The following RARB variants were observed in gnomAD, a reference collection of about 807,000 sequenced individuals.
RARB encodes the protein HBV-activated protein.
In RARB, 17 loss-of-function variants were observed where a neutral mutation model predicts 51.9. The observed-to-expected ratio is 0.33, with a 90% CI of 0.22 to 0.49. RARB has a LOEUF of 0.49. Among genes scored for constraint, RARB ranks in the 20% least tolerant of loss-of-function variants. The probability of loss-of-function intolerance (pLI) is 0.99; values close to 1 mark genes in which losing one functional copy is unlikely to be tolerated. For synonymous variants in RARB, 215 were observed against 195.4 expected (o/e 1.10, Z -0.84); for missense variants, 369 against 550.8 (o/e 0.67, Z 3.30).
intron 2 of RARB, among the ~76,000 whole-genome samples, chr3:24,934,027 A>C (rs1011158391): frequency 1.3e-5 from 2 of 152,138 alleles, no homozygotes; most frequent in East Asian, 3.9e-4. Context: ...TTGTTTTCTT[A>C]AGCAGTCTTC....
chr3:25,025,976 A>C (rs1452289924), intron 2 of RARB, among the ~76,000 whole-genome samples: 1 of 152,188 alleles, frequency 6.6e-6, no homozygotes, highest in Non-Finnish European at 1.5e-5. Context: ...TCAACCTGAT[A>C]GTCTGCAATC....
At chr3:25,200,769 T>G (rs545626514) in intron 5 of RARB, among the ~76,000 whole-genome samples, 1 of 152,248 alleles carries the variant, frequency 6.6e-6, no homozygotes, top group African/African-American at 2.4e-5. Context: ...TGGCATTATT[T>G]CTGAGGGCTC....
chr3:25,525,327 G>A (rs1698602494), intron 3 of RARB, among the ~76,000 whole-genome samples: 1 of 152,174 alleles, frequency 6.6e-6, no homozygotes, highest in South Asian at 2.1e-4. Flanking sequence ...GACAGAAGGG[G>A]CAGAGAGAGC....
At chr3:25,030,127 T>G (rs993740373) in intron 2 of RARB, among the ~76,000 whole-genome samples, 14 of 152,232 alleles carry the variant, frequency 9.2e-5, no homozygotes, top group African/African-American at 3.1e-4. Flanking sequence ...AGTCAATACC[T>G]TTTCTATTAT....
At chr3:25,139,186 C>G (rs765478440) in intron 4 of RARB, among the ~76,000 whole-genome samples, 8 of 152,060 alleles carry the variant, frequency 5.3e-5, no homozygotes, top group Non-Finnish European at 1.0e-4. Flanking sequence ...ATTAATAACC[C>G]TACAATAGCC....
At chr3:24,892,108 G>A (rs563606442) in intron 2 of RARB, among the ~76,000 whole-genome samples, 1 of 152,010 alleles carries the variant, frequency 6.6e-6, no homozygotes, top group South Asian at 2.1e-4. Context: ...AGCAGGGAGT[G>A]TTGCAGGGCC....
intron 4 of RARB, among the ~76,000 whole-genome samples, chr3:25,172,228 C>T (rs544192801): frequency 6.6e-6 from 1 of 152,272 alleles, no homozygotes; most frequent in South Asian, 2.1e-4. Context: ...ATCACGACTG[C>T]TCACTGAGTT....
intron 1 of RARB, among the ~76,000 whole-genome samples, chr3:25,439,317 C>T (rs1221719237): frequency 1.3e-5 from 2 of 152,222 alleles, no homozygotes; most frequent in Non-Finnish European, 2.9e-5. Context: ...CCTAAGTTAA[C>T]CATTACCATT....
intron 5 of RARB, among the ~76,000 whole-genome samples, chr3:25,206,413 A>T (rs1701547709): frequency 6.6e-6 from 1 of 152,338 alleles, no homozygotes; most frequent in South Asian, 2.1e-4. Flanking sequence ...TGTGTAAATC[A>T]CTACTGCTTT....
intron 5 of RARB, among the ~76,000 whole-genome samples, chr3:25,238,696 C>G (rs1280602360): frequency 6.6e-6 from 1 of 152,010 alleles, no homozygotes; most frequent in Non-Finnish European, 1.5e-5. Context: ...TTAATAATAC[C>G]TGTGGGCTGG....
chr3:25,158,494 T>A (rs1700414103), intron 4 of RARB, among the ~76,000 whole-genome samples: 1 of 152,154 alleles, frequency 6.6e-6, no homozygotes. Flanking sequence ...TTCTTCTTGT[T>A]TTTTAATTGC....
intron 3 of RARB, 80 bp downstream of exon 3, chr3:25,501,403 C>T: frequency 2.0e-6 from 3 of 1,514,822 alleles, no homozygotes; most frequent in Non-Finnish European, 1.8e-6. Flanking sequence ...ATGTGGAATT[C>T]ACACACGACA....
chr3:25,238,005 T>C (rs1359211234), intron 5 of RARB, among the ~76,000 whole-genome samples: 1 of 152,198 alleles, frequency 6.6e-6, no homozygotes, highest in Non-Finnish European at 1.5e-5. Flanking sequence ...TTTCTACATG[T>C]CAGGAACATT....
chr3:25,001,950 T>C (rs779942843), intron 2 of RARB, among the ~76,000 whole-genome samples: 1 of 152,066 alleles, frequency 6.6e-6, no homozygotes, highest in Non-Finnish European at 1.5e-5. Context: ...GCTAATTTTT[T>C]TATAGATACA....
chr3:25,595,659 C>T (rs978743591), intron 7 of RARB, among the ~76,000 whole-genome samples: 1 of 152,188 alleles, frequency 6.6e-6, no homozygotes, highest in Non-Finnish European at 1.5e-5. Context: ...GTTCAGTAGC[C>T]ACCAGACACA....
rs200923524 is a variant in RARB, at chr3:25,542,990, A to G, written c.449-26768A>G. 7.2e-5 allele frequency among the ~76,000 whole-genome samples: 11 copies of G among 152,312 alleles called. No individual in the cohort carries two copies. The East Asian group carries it at 2.1e-3, about 29-fold the overall frequency. On this transcript the variant is annotated intron_variant, in intron 3 of 7. Coordinates refer to ENST00000330688, the MANE Select transcript of RARB (RefSeq NM_000965.5). ...GCACTCACAAATTCAAGATTATAAC[A>G]TTTGTGTATACCCATGGACACAACT...
At chr3:25,517,974 T>C (rs755734086) in intron 3 of RARB, among the ~76,000 whole-genome samples, 68 of 152,076 alleles carry the variant, frequency 4.5e-4, no homozygotes, top group Non-Finnish European at 4.9e-4. Flanking sequence ...AACTTCAGAG[T>C]TGCTAGAAGT....
chr3:24,968,513 A>G (rs866909799), intron 2 of RARB, among the ~76,000 whole-genome samples: 28 of 152,232 alleles, frequency 1.8e-4, no homozygotes, highest in African/African-American at 6.5e-4. Context: ...GGCTGGGATC[A>G]GTTGGGCTGA....
intron 5 of RARB, among the ~76,000 whole-genome samples, chr3:25,201,060 C>G (rs1486082307): frequency 6.6e-6 from 1 of 152,116 alleles, no homozygotes; most frequent in Non-Finnish European, 1.5e-5. Context: ...GATATTGATT[C>G]TTCCTACCCA....
Sources: allele counts gnomAD v4.1 joint callset (sites outside exome capture counted in the v4.1 genomes callset), GRCh38; gene constraint gnomAD v4.1.1; transcripts MANE v1.5; gene names NCBI Gene and HGNC (gene_info 2026-07-23, HGNC 2026-07-21).